The following LRP1B variants were observed in gnomAD, a reference collection of about 807,000 sequenced individuals.
LRP1B encodes the protein low-density lipoprotein receptor-related protein 1B.
In LRP1B, 217 loss-of-function variants were observed where a neutral mutation model predicts 556.6. That is an observed-to-expected ratio of 0.39 (90% CI 0.35 to 0.44). LRP1B has a LOEUF of 0.44. Ranked by LOEUF, LRP1B falls within the 20% of genes least tolerant of loss-of-function variation. The pLI, the probability that LRP1B is intolerant of heterozygous loss-of-function variation, is 1.00. For missense variants in LRP1B, 5,053 were observed against 5,620.8 expected (o/e 0.90, Z 3.23); for synonymous variants, 2,047 against 1,865.8 (o/e 1.10, Z -2.50).
rs191446459 is a variant in LRP1B, at chr2:141,092,713, A to G, written c.1014-30440T>C. ...TGAGATAGAAACAGGGCCAGGATCAAGTGGGGTCCCTGAAGTCAAGTGAAG... is the reference window on the plus strand; with the variant it reads ...TGAGATAGAAACAGGGCCAGGATCAGGTGGGGTCCCTGAAGTCAAGTGAAG... On this transcript the variant is annotated intron_variant, in intron 7 of 90. Transcript: ENST00000389484. Among the ~76,000 whole-genome samples the G allele has an allele frequency of 2.0e-5, 3 of 152,332 alleles. No individual in the cohort carries two copies. In the East Asian group the frequency reaches 5.8e-4, roughly 29 times the overall value.
chr2:140,434,410 C>T (rs994355120), intron 66 of LRP1B, among the ~76,000 whole-genome samples: 3 of 152,114 alleles, frequency 2.0e-5, no homozygotes, highest in African/African-American at 7.2e-5. Context: ...TGATCAAAGA[C>T]AATTTCTTAT....
chr2:141,869,331 C>T (rs1324073106), intron 1 of LRP1B, among the ~76,000 whole-genome samples: 1 of 151,932 alleles, frequency 6.6e-6, no homozygotes, highest in Non-Finnish European at 1.5e-5. Context: ...TTGGATGGTA[C>T]AGTTTTATAC....
chr2:140,453,479 C>A (rs1327890748), intron 62 of LRP1B, among the ~76,000 whole-genome samples: 2 of 151,842 alleles, frequency 1.3e-5, no homozygotes, highest in Non-Finnish European at 1.5e-5. Flanking sequence ...AGACTAATAT[C>A]ATCATAAAAT....
chr2:141,052,322 T>C (rs1440463808), intron 10 of LRP1B, among the ~76,000 whole-genome samples: 1 of 152,030 alleles, frequency 6.6e-6, no homozygotes, highest in Non-Finnish European at 1.5e-5. Flanking sequence ...CAACATTAGA[T>C]ACTTACATAC....
chr2:141,757,529 C>T (rs1694366643), intron 2 of LRP1B, among the ~76,000 whole-genome samples: 1 of 152,014 alleles, frequency 6.6e-6, no homozygotes, highest in African/African-American at 2.4e-5. Flanking sequence ...AGCTTTTGTG[C>T]ATTTATTGGT....
chr2:141,620,109 T>C (rs993035236), intron 2 of LRP1B, among the ~76,000 whole-genome samples: 1 of 152,190 alleles, frequency 6.6e-6, no homozygotes, highest in Non-Finnish European at 1.5e-5. Context: ...GATGCCACCA[T>C]GCCCAGCTAT....
chr2:141,851,823 C>A (rs1697867941), intron 1 of LRP1B, among the ~76,000 whole-genome samples: 2 of 151,724 alleles, frequency 1.3e-5, no homozygotes, highest in South Asian at 2.1e-4. Context: ...ATCAGGAAAG[C>A]CACTTTTTCT....
At chr2:140,814,647 C>T (rs1691046140) in intron 31 of LRP1B, among the ~76,000 whole-genome samples, 1 of 152,240 alleles carries the variant, frequency 6.6e-6, no homozygotes, top group African/African-American at 2.4e-5. Flanking sequence ...GTGATTTCAT[C>T]CCTCTTCAAG....
At chr2:140,835,304 G>A (rs1691861275) in intron 31 of LRP1B, among the ~76,000 whole-genome samples, 1 of 152,102 alleles carries the variant, frequency 6.6e-6, no homozygotes, top group Non-Finnish European at 1.5e-5. Context: ...ACAGGAAAAG[G>A]AAACTAAACG....
At chr2:141,407,243 A>T (rs1393374660) in intron 3 of LRP1B, among the ~76,000 whole-genome samples, 3 of 152,172 alleles carry the variant, frequency 2.0e-5, no homozygotes, top group African/African-American at 7.2e-5. Flanking sequence ...TACCAGTTTC[A>T]TAATTCTCAA....
At chr2:140,644,095 T>TCCC (rs980492255) in intron 41 of LRP1B, among the ~76,000 whole-genome samples, 4 of 152,188 alleles carry the variant, frequency 2.6e-5, no homozygotes, top group African/African-American at 9.7e-5. Flanking sequence ...GCGTGCTGAT[T>TCCC]CCCCAGCTGT....
chr2:141,555,886 C>T (rs1265336729), intron 2 of LRP1B, among the ~76,000 whole-genome samples: 3 of 151,912 alleles, frequency 2.0e-5, no homozygotes, highest in Non-Finnish European at 4.4e-5. Flanking sequence ...AGGATACTAA[C>T]GTGAGGAAAA....
At chr2:141,406,609 TTA>T (rs1003865562) in intron 3 of LRP1B, among the ~76,000 whole-genome samples, 1 of 151,742 alleles carries the variant, frequency 6.6e-6, no homozygotes, top group African/African-American at 2.4e-5. Flanking sequence ...ATCTTACATA[TTA>T]TATGTGTTTA....
chr2:141,699,565 TA>T (rs1355568144), intron 2 of LRP1B, among the ~76,000 whole-genome samples: 1 of 151,636 alleles, frequency 6.6e-6, no homozygotes, highest in African/African-American at 2.4e-5. Flanking sequence ...AAGTGTTTGT[TA>T]TTTTTTATAT....
Position 140,298,006 on chromosome 2 carries a change from C to T in LRP1B, c.12806-37G>A, listed in dbSNP as rs376982616. The stretch of plus-strand genomic sequence containing the variant: ...AATAAGTAATAAAAAGCAAATTATT[C>T]AACCAAAATAGTTTATTTTCAAGGA... On this transcript the variant is annotated intron_variant, in intron 83 of 90. Transcript: ENST00000389484. 8 of 1,536,628 alleles carry T rather than the reference C, an allele frequency of 5.2e-6. No homozygotes were observed. In the East Asian group the frequency reaches 1.4e-4, roughly 27 times the overall value.
intron 11 of LRP1B, among the ~76,000 whole-genome samples, chr2:141,027,429 C>G (rs1332671101): frequency 1.3e-5 from 2 of 151,990 alleles, no homozygotes; most frequent in East Asian, 3.9e-4. Context: ...TCATTTCTTA[C>G]TAAAATACAT....
chr2:140,651,774 T>G (rs1427232277), intron 41 of LRP1B, among the ~76,000 whole-genome samples: 1 of 152,080 alleles, frequency 6.6e-6, no homozygotes, highest in Admixed American at 6.6e-5. Flanking sequence ...ATCACACCAC[T>G]TCTGAGCTGA....
At chr2:141,392,081 A>G (rs1690069485) in intron 3 of LRP1B, among the ~76,000 whole-genome samples, 1 of 152,130 alleles carries the variant, frequency 6.6e-6, no homozygotes, top group Admixed American at 6.6e-5. Context: ...TGACCTCTGG[A>G]TTGACTGGTT....
intron 1 of LRP1B, among the ~76,000 whole-genome samples, chr2:141,868,744 G>A (rs1160700547): frequency 6.6e-6 from 1 of 152,038 alleles, no homozygotes; most frequent in African/African-American, 2.4e-5. Flanking sequence ...AGCTAATGGT[G>A]AAGATTCTAA....
Sources: allele counts gnomAD v4.1 joint callset (sites outside exome capture counted in the v4.1 genomes callset), GRCh38; gene constraint gnomAD v4.1.1; transcripts MANE v1.5; gene names NCBI Gene and HGNC (gene_info 2026-07-23, HGNC 2026-07-21).